Variants in GPM6A observed in about 807,000 individuals in gnomAD.
GPM6A encodes glycoprotein M6A.
A neutral mutation model predicts 32.1 loss-of-function variants in GPM6A; 7 were observed. The ratio of observed to expected loss-of-function variants is 0.22; its 90% CI spans 0.12 to 0.41. The LOEUF is 0.41. Ranked by LOEUF, GPM6A falls within the 10% of genes least tolerant of loss-of-function variation. GPM6A has a pLI of 1.00. For missense variants in GPM6A, 235 were observed against 347.2 expected, an observed-to-expected ratio of 0.68 and a Z score of 2.57; for synonymous variants, 130 against 123.4, an observed-to-expected ratio of 1.05 and a Z score of -0.35.
chr4:175,849,809 G>A (rs1416800567), intron 1 of GPM6A, among the ~76,000 whole-genome samples: 2 of 152,116 alleles, frequency 1.3e-5, no homozygotes, highest in Non-Finnish European at 2.9e-5. Context: ...TAATTCTGAG[G>A]AAAGGAATAT....
At chr4:175,688,554 G>A (rs116240068) in intron 2 of GPM6A, among the ~76,000 whole-genome samples, 78 of 152,216 alleles carry the variant, frequency 5.1e-4, no homozygotes, top group African/African-American at 1.8e-3. Flanking sequence ...TTATGTGTCT[G>A]TCTTTATGTC....
At chr4:175,750,248 G>C (rs933477861) in intron 1 of GPM6A, among the ~76,000 whole-genome samples, 2 of 151,960 alleles carry the variant, frequency 1.3e-5, no homozygotes, top group Admixed American at 1.3e-4. Context: ...ATTAGAGATG[G>C]GGTTTCACCA....
At chr4:175,851,287 C>T (rs1320117190) in intron 1 of GPM6A, among the ~76,000 whole-genome samples, 1 of 152,046 alleles carries the variant, frequency 6.6e-6, no homozygotes, top group African/African-American at 2.4e-5. Context: ...GAATTCGAGA[C>T]CAGCCTGGCC....
chr4:175,836,233 T>C (rs1735764507), intron 1 of GPM6A, among the ~76,000 whole-genome samples: 1 of 152,142 alleles, frequency 6.6e-6, no homozygotes, highest in African/African-American at 2.4e-5. Context: ...TGCACTTCTA[T>C]ACATACAGCA....
At chr4:175,954,928 T>C (rs1739937211) in intron 1 of GPM6A, among the ~76,000 whole-genome samples, 1 of 152,214 alleles carries the variant, frequency 6.6e-6, no homozygotes, top group Admixed American at 6.5e-5. Context: ...CTACAGGCGC[T>C]GTGAGGGCCT....
At chr4:175,910,832 C>T (rs1738291179) in intron 1 of GPM6A, among the ~76,000 whole-genome samples, 1 of 152,136 alleles carries the variant, frequency 6.6e-6, no homozygotes, top group Admixed American at 6.6e-5. Context: ...GCCAGATGGT[C>T]TCTGTAGCAA....
chr4:175,932,956 C>G (rs531027295), intron 1 of GPM6A, among the ~76,000 whole-genome samples: 1 of 151,798 alleles, frequency 6.6e-6, no homozygotes, highest in Non-Finnish European at 1.5e-5. Context: ...AGGACTTATG[C>G]TATCAATTAC....
At chr4:175,844,541 T>C (rs531742268) in intron 1 of GPM6A, among the ~76,000 whole-genome samples, 3 of 152,288 alleles carry the variant, frequency 2.0e-5, no homozygotes, top group South Asian at 2.1e-4. Flanking sequence ...AACAGTGTTG[T>C]TCTCTCTATG....
At chr4:175,758,331 A>G (rs1560917169) in intron 1 of GPM6A, among the ~76,000 whole-genome samples, 1 of 152,188 alleles carries the variant, frequency 6.6e-6, no homozygotes, top group Non-Finnish European at 1.5e-5. Context: ...AAATCAAGGT[A>G]TTTTGCTTTC....
intron 1 of GPM6A, among the ~76,000 whole-genome samples, chr4:175,823,186 A>G (rs1181775033): frequency 1.3e-5 from 2 of 152,216 alleles, no homozygotes; most frequent in African/African-American, 2.4e-5. Flanking sequence ...TTTCCCTAAT[A>G]CTAAACTTAT....
intron 1 of GPM6A, among the ~76,000 whole-genome samples, chr4:175,877,988 G>A (rs963655286): frequency 1.3e-5 from 2 of 152,104 alleles, no homozygotes; most frequent in African/African-American, 2.4e-5. Flanking sequence ...CAAAAAAGGG[G>A]GCTACAGGCC....
intron 1 of GPM6A, among the ~76,000 whole-genome samples, chr4:175,966,130 G>A (rs1009962950): frequency 5.9e-5 from 9 of 152,086 alleles, no homozygotes; most frequent in Admixed American, 2.0e-4. Context: ...TTTCAGGCTT[G>A]TTGCAGTGGC....
intron 1 of GPM6A, among the ~76,000 whole-genome samples, chr4:175,973,356 C>T (rs780773926): frequency 2.0e-5 from 3 of 152,176 alleles, no homozygotes; most frequent in South Asian, 2.1e-4. Flanking sequence ...CTTTAGAACA[C>T]GGTTTTGCTG....
intron 1 of GPM6A, among the ~76,000 whole-genome samples, chr4:175,754,792 T>A (rs1732466438): frequency 6.6e-6 from 1 of 152,152 alleles, no homozygotes; most frequent in Admixed American, 6.6e-5. Context: ...AAAATAGAGA[T>A]AATTCTTCTG....
At chr4:175,803,756 A>G (rs1288998725) in intron 1 of GPM6A, among the ~76,000 whole-genome samples, 1 of 152,118 alleles carries the variant, frequency 6.6e-6, no homozygotes, top group Non-Finnish European at 1.5e-5. Flanking sequence ...ACCAAAAGTC[A>G]ATTGGCCACT....
At chr4:175,965,454 A>G (rs1740304396) in intron 1 of GPM6A, among the ~76,000 whole-genome samples, 1 of 152,166 alleles carries the variant, frequency 6.6e-6, no homozygotes, top group African/African-American at 2.4e-5. Flanking sequence ...AGAATACAAG[A>G]CATTGAAAAC....
chr4:176,000,905 T>C (rs111472216), intron 1 of GPM6A, among the ~76,000 whole-genome samples: 11 of 152,302 alleles, frequency 7.2e-5, no homozygotes, highest in African/African-American at 2.6e-4. Flanking sequence ...CTGAAAATAC[T>C]CCTTCCTTTT....
At chr4:175,809,603 T>C (rs974726652) in intron 1 of GPM6A, among the ~76,000 whole-genome samples, 2 of 152,156 alleles carry the variant, frequency 1.3e-5, no homozygotes, top group African/African-American at 2.4e-5. Context: ...CATGGGCTCA[T>C]TGAACACAAT....
intron 1 of GPM6A, among the ~76,000 whole-genome samples, chr4:175,893,888 C>T (rs745352239): frequency 7.9e-5 from 12 of 151,864 alleles, no homozygotes; most frequent in Non-Finnish European, 1.5e-4. Flanking sequence ...TAAGAAAAAG[C>T]GATATAAATT....
Sources: allele counts gnomAD v4.1 joint callset (sites outside exome capture counted in the v4.1 genomes callset), GRCh38; gene constraint gnomAD v4.1.1; transcripts MANE v1.5; gene names NCBI Gene and HGNC (gene_info 2026-07-23, HGNC 2026-07-21).